RARRES1: variants seen among roughly 807,000 people sequenced by gnomAD.
RARRES1 encodes the protein retinoic acid receptor responder protein 1.
A neutral mutation model predicts 30.6 loss-of-function variants in RARRES1; 34 were observed. The ratio of observed to expected loss-of-function variants is 1.11; its 90% CI spans 0.84 to 1.48. The LOEUF (loss-of-function observed/expected upper bound fraction) is 1.48, where lower values mean the gene tolerates loss of function less well. RARRES1 is among the 40% of genes most tolerant of loss of function. The probability of loss-of-function intolerance (pLI) is 0.00; values close to 1 mark genes in which losing one functional copy is unlikely to be tolerated. For missense variants in RARRES1, 373 were observed against 386.5 expected, an observed-to-expected ratio of 0.97 and a Z score of 0.29; for synonymous variants, 153 against 155.5, an observed-to-expected ratio of 0.98 and a Z score of 0.12.
At chr3:158,709,917 T>C (rs1727053341) in intron 3 of RARRES1, among the ~76,000 whole-genome samples, 1 of 152,228 alleles carries the variant, frequency 6.6e-6, no homozygotes. Flanking sequence ...ACAGCACCAC[T>C]GCCCATTAAC....
In RARRES1 at chr3:158,702,800, A is replaced by G. The variant is rs1419065069; in HGVS notation, c.672+1991T>C. On this transcript the variant is annotated intron_variant, in intron 4 of 5. Coordinates refer to ENST00000237696, the MANE Select transcript of RARRES1 (RefSeq NM_206963.2). Reference sequence around the variant, plus strand: ...CTAGTACTGTATCTTGACTTGTTATATGGCAACAATCAATTAGATGATAAT... The same window carrying G: ...CTAGTACTGTATCTTGACTTGTTATGTGGCAACAATCAATTAGATGATAAT... Among the ~76,000 whole-genome samples, 3 of 152,332 alleles carry G rather than the reference A, an allele frequency of 2.0e-5. No homozygotes were observed. In the East Asian group the frequency reaches 5.8e-4, roughly 29 times the overall value.
At chr3:158,714,436 G>T (rs1387171793) in intron 1 of RARRES1, among the ~76,000 whole-genome samples, 1 of 152,208 alleles carries the variant, frequency 6.6e-6, no homozygotes, top group Non-Finnish European at 1.5e-5. Context: ...AGATCTAGGT[G>T]GGGGACACCC....
Position 158,713,595 on chromosome 3 carries a change from C to T in RARRES1, c.339+202G>A, listed in dbSNP as rs568633514. 2.8e-4 allele frequency among the ~76,000 whole-genome samples: 43 copies of T among 152,194 alleles called. No individual in the cohort carries two copies. The East Asian group carries it at 5.6e-3, about 20-fold the overall frequency. On this transcript the variant is annotated intron_variant, in intron 2 of 5. Transcript: ENST00000237696. ...ATGGATTGTTTTAAATGCAACCCTG[C>T]GTTAAGACCATGAAGTTGAAGTAGT...
intron 1 of RARRES1, 37 bp downstream of exon 1, chr3:158,732,103 G>T: frequency 7.6e-7 from 1 of 1,310,936 alleles, no homozygotes; most frequent in South Asian, 2.2e-5. Context: ...TGCGCGGACA[G>T]GCAGGCGCGT....
At chr3:158,708,808 A>G (rs1174101099) in intron 3 of RARRES1, among the ~76,000 whole-genome samples, 1 of 152,134 alleles carries the variant, frequency 6.6e-6, no homozygotes, top group Non-Finnish European at 1.5e-5. Flanking sequence ...CTGGGACTAC[A>G]GGCGCATGCC....
intron 1 of RARRES1, among the ~76,000 whole-genome samples, chr3:158,721,526 G>C (rs1478688809): frequency 6.6e-6 from 1 of 152,204 alleles, no homozygotes; most frequent in African/African-American, 2.4e-5. Flanking sequence ...GGTAGGAAGT[G>C]ACATGTAGAT....
intron 4 of RARRES1, among the ~76,000 whole-genome samples, chr3:158,701,289 A>G (rs1726714058): frequency 6.6e-6 from 1 of 151,880 alleles, no homozygotes; most frequent in East Asian, 1.9e-4. Flanking sequence ...AATGACATCT[A>G]TTCTTCAGTT....
At chr3:158,698,202 T>G in intron 4 of RARRES1, 1 of 500,628 alleles carries the variant, frequency 2.0e-6, no homozygotes, top group East Asian at 3.5e-5. Flanking sequence ...CTTTTTCTGA[T>G]GGAGACCAAA....
chr3:158,706,906 C>T (rs1429547005), intron 3 of RARRES1, among the ~76,000 whole-genome samples: 4 of 152,124 alleles, frequency 2.6e-5, no homozygotes, highest in South Asian at 2.1e-4. Context: ...TGGTGGCTCA[C>T]GCCTGTAATC....
chr3:158,728,516 C>CTTTCTT (rs1727763950), intron 1 of RARRES1, among the ~76,000 whole-genome samples: 4 of 133,946 alleles, frequency 3.0e-5, no homozygotes, highest in African/African-American at 1.1e-4. Flanking sequence ...CTTTTTCTTT[C>CTTTCTT]TTTTTTTTTT....
At chr3:158,706,626 C>T (rs890342790) in intron 3 of RARRES1, among the ~76,000 whole-genome samples, 1 of 152,090 alleles carries the variant, frequency 6.6e-6, no homozygotes, top group Non-Finnish European at 1.5e-5. Flanking sequence ...AGGATGGTGA[C>T]AGTGGATTTG....
At chr3:158,720,264 G>GTGTGTGTGTGTGTC (rs1229674124) in intron 1 of RARRES1, among the ~76,000 whole-genome samples, 1 of 78,924 alleles carries the variant, frequency 1.3e-5, no homozygotes, top group African/African-American at 4.6e-5. Context: ...GTGTGTGTGT[G>GTGTGTGTGTGTGTC]TATGTGTGTG....
chr3:158,721,838 C>G (rs1445729415), intron 1 of RARRES1, among the ~76,000 whole-genome samples: 1 of 152,078 alleles, frequency 6.6e-6, no homozygotes, highest in African/African-American at 2.4e-5. Context: ...TGCCTGTAAT[C>G]CCAGCACTTT....
chr3:158,711,932 C>G (rs1464157902), intron 2 of RARRES1, among the ~76,000 whole-genome samples: 2 of 152,180 alleles, frequency 1.3e-5, no homozygotes, highest in Admixed American at 1.3e-4. Flanking sequence ...ATTCTGGGAT[C>G]TCCCTCACTT....
At chr3:158,712,415 T>TA (rs978287685) in intron 2 of RARRES1, among the ~76,000 whole-genome samples, 1 of 151,990 alleles carries the variant, frequency 6.6e-6, no homozygotes, top group African/African-American at 2.4e-5. Flanking sequence ...AAATTAAAAA[T>TA]AAAAAAATTG....
chr3:158,718,903 A>G (rs552318760), intron 1 of RARRES1, among the ~76,000 whole-genome samples: 1 of 152,202 alleles, frequency 6.6e-6, no homozygotes, highest in Non-Finnish European at 1.5e-5. Flanking sequence ...TGACACGAGG[A>G]AAGGTGACCA....
chr3:158,708,588 G>T (rs909495616), intron 3 of RARRES1, among the ~76,000 whole-genome samples: 2 of 152,092 alleles, frequency 1.3e-5, no homozygotes, highest in Admixed American at 1.3e-4. Flanking sequence ...TTCCAAAATG[G>T]ATTAGATCTT....
chr3:158,713,404 G>A (rs758396672), intron 2 of RARRES1, among the ~76,000 whole-genome samples: 2 of 152,076 alleles, frequency 1.3e-5, no homozygotes, highest in African/African-American at 2.4e-5. Flanking sequence ...TTGGTCTCAC[G>A]CTGTGCTGGC....
In RARRES1 at chr3:158,732,444, A is replaced by T; in HGVS notation, c.-29T>A. 6.6e-7 allele frequency: 1 copy of T among 1,517,786 alleles called. No homozygotes were observed. Among genetic ancestry groups the T allele is most frequent in the Non-Finnish European group, 8.8e-7 (1 of 1,137,860 alleles). 94.0% of individuals were successfully genotyped at this position (1,517,786 alleles called of 1,614,324 possible). ...CGCAGGAAAGTTGGCTCGGCACCCG[A>T]CAGACACGGGCTCGGAGCGGGCAGT... is the stretch of plus-strand genomic sequence containing the variant. On this transcript the variant is annotated 5_prime_UTR_variant, in exon 1 of 6. Transcript: ENST00000237696.
Sources: gnomAD v4.1 joint callset for allele counts (sites outside exome capture counted in the v4.1 genomes callset) on GRCh38, gnomAD v4.1.1 for gene constraint, MANE v1.5 for transcripts, NCBI Gene and HGNC (gene_info 2026-07-23, HGNC 2026-07-21) for gene names.